Variants in SYN3 observed in about 807,000 individuals in gnomAD.
The protein encoded by SYN3 is synapsin III.
Under a neutral mutation model 65.8 loss-of-function variants are expected in SYN3, and 35 were observed. The ratio of observed to expected loss-of-function variants is 0.53; its 90% CI spans 0.41 to 0.70. SYN3 has a LOEUF of 0.70. Among genes scored for constraint, SYN3 ranks in the 30% least tolerant of loss-of-function variants. The pLI is 0.00. For synonymous variants in SYN3, 270 were observed against 292.9 expected, an observed-to-expected ratio of 0.92 and a Z score of 0.80; for missense variants, 680 against 749.0, an observed-to-expected ratio of 0.91 and a Z score of 1.08.
intron 4 of SYN3, among the ~76,000 whole-genome samples, chr22:32,878,076 G>A (rs1049376266): frequency 6.6e-6 from 1 of 152,164 alleles, no homozygotes; most frequent in African/African-American, 2.4e-5. Flanking sequence ...GTCCACCTGG[G>A]ACTGGAGTGC....
chr22:32,551,499 C>T (rs1846822336), intron 7 of SYN3, among the ~76,000 whole-genome samples: 2 of 146,816 alleles, frequency 1.4e-5, no homozygotes, highest in African/African-American at 5.1e-5. Context: ...GAAAAATGGC[C>T]TCCCCCCACC....
chr22:32,533,976 G>GA, intron 9 of SYN3, 81 bp from the exon 10 acceptor site: 1 of 895,192 alleles, frequency 1.1e-6, no homozygotes, highest in South Asian at 1.5e-5. Context: ...GATTCACATG[G>GA]AAAAACAGGC....
intron 7 of SYN3, among the ~76,000 whole-genome samples, chr22:32,546,606 AGGGCACT>A (rs2058339618): frequency 6.6e-6 from 1 of 151,974 alleles, no homozygotes; most frequent in Non-Finnish European, 1.5e-5. Context: ...TTGGGGTGAG[AGGGCACT>A]GGGGACACAG....
At chr22:32,780,439 G>A (rs2046013302) in intron 6 of SYN3, among the ~76,000 whole-genome samples, 1 of 152,122 alleles carries the variant, frequency 6.6e-6, no homozygotes, top group African/African-American at 2.4e-5. Context: ...TGGCCGCTCT[G>A]GTTTCCTTTT....
intron 3 of SYN3, among the ~76,000 whole-genome samples, chr22:32,971,995 C>A (rs1051332568): frequency 6.6e-6 from 1 of 152,138 alleles, no homozygotes; most frequent in African/African-American, 2.4e-5. Context: ...TTATTATAGC[C>A]TCTGACGGCC....
chr22:32,768,000 G>A (rs983952972), intron 6 of SYN3, among the ~76,000 whole-genome samples: 2 of 152,032 alleles, frequency 1.3e-5, no homozygotes, highest in African/African-American at 4.8e-5. Context: ...AGACAAATTA[G>A]GTATTTCTTT....
intron 4 of SYN3, among the ~76,000 whole-genome samples, chr22:32,882,670 T>G (rs370390469): frequency 6.6e-6 from 1 of 152,142 alleles, no homozygotes; most frequent in East Asian, 1.9e-4. Flanking sequence ...TATGAGTGTT[T>G]GCTAAATTAT....
At chr22:32,964,394 A>G (rs1026281806) in intron 3 of SYN3, among the ~76,000 whole-genome samples, 1 of 148,206 alleles carries the variant, frequency 6.7e-6, no homozygotes, top group African/African-American at 2.5e-5. Flanking sequence ...CGTTGTGCAC[A>G]TGTACCCTAA....
At chr22:32,974,950 G>T (rs1569369826) in intron 3 of SYN3, among the ~76,000 whole-genome samples, 1 of 152,128 alleles carries the variant, frequency 6.6e-6, no homozygotes, top group South Asian at 2.1e-4. Flanking sequence ...ACTGAGCTGA[G>T]ATTTCATCTT....
intron 1 of SYN3, among the ~76,000 whole-genome samples, chr22:33,052,767 A>G (rs181262817): frequency 6.6e-6 from 1 of 152,370 alleles, no homozygotes; most frequent in East Asian, 1.9e-4. Context: ...CCTAGAAGGC[A>G]AAATTCTGCT....
chr22:32,656,542 T>C (rs1408478172), intron 6 of SYN3, among the ~76,000 whole-genome samples: 2 of 152,076 alleles, frequency 1.3e-5, no homozygotes, highest in South Asian at 2.1e-4. Context: ...AGGTTTGAGG[T>C]GTTAGCAAAG....
intron 6 of SYN3, among the ~76,000 whole-genome samples, chr22:32,721,752 T>C (rs1462697277): frequency 6.6e-6 from 1 of 152,194 alleles, no homozygotes; most frequent in Non-Finnish European, 1.5e-5. Context: ...GGTAAACAAC[T>C]GAACAATTAA....
Position 32,539,156 on chromosome 22 carries a change from A to G in SYN3, c.918-1046T>C, listed in dbSNP as rs374043145. Among the ~76,000 whole-genome samples, 14 of 152,324 alleles carry G rather than the reference A, an allele frequency of 9.2e-5. No homozygotes were observed. The East Asian group carries it at 2.7e-3, about 29-fold the overall frequency. On this transcript the variant is annotated intron_variant, in intron 8 of 13. Coordinates refer to ENST00000358763, the MANE Select transcript of SYN3 (RefSeq NM_003490.4). ...GTGAACTGGTGAGAGGAATTGACACAAAAATGTATCATTGTAAGAGAAAAT... is the reference window on the plus strand; with the variant it reads ...GTGAACTGGTGAGAGGAATTGACACGAAAATGTATCATTGTAAGAGAAAAT...
chr22:33,010,374 T>C (rs1454926761), intron 1 of SYN3, among the ~76,000 whole-genome samples: 4 of 152,198 alleles, frequency 2.6e-5, no homozygotes, highest in Non-Finnish European at 4.4e-5. Context: ...AAGTAGGGTA[T>C]GAAGTTCATT....
Position 32,509,074 on chromosome 22 carries a change from G to A in SYN3, c.*4618C>T, listed in dbSNP as rs1290788202. ...AGAATGTAGTAATGAAGAGAATCTA[G>A]GGAACTGATGGAAGAGAAAGGATAT... On this transcript the variant is annotated 3_prime_UTR_variant, in exon 14 of 14. Transcript: ENST00000358763. Among the ~76,000 whole-genome samples, 2 of 152,210 alleles carry A rather than the reference G, an allele frequency of 1.3e-5. No homozygotes were observed. The highest frequency in any genetic ancestry group is 2.9e-5 in the Non-Finnish European group (2 of 68,036).
intron 6 of SYN3, among the ~76,000 whole-genome samples, chr22:32,673,502 T>C (rs1367428591): frequency 1.3e-5 from 2 of 152,182 alleles, no homozygotes; most frequent in Non-Finnish European, 2.9e-5. Flanking sequence ...AGAAGCTCAC[T>C]GTGTACTAGG....
intron 1 of SYN3, among the ~76,000 whole-genome samples, chr22:33,047,188 G>GT (rs1312277614): frequency 4.6e-5 from 7 of 152,030 alleles, no homozygotes; most frequent in African/African-American, 1.7e-4. Context: ...TAATATATTT[G>GT]TTTTGTGGTT....
At chr22:32,746,072 A>G (rs1200000458) in intron 6 of SYN3, among the ~76,000 whole-genome samples, 1 of 152,206 alleles carries the variant, frequency 6.6e-6, no homozygotes, top group East Asian at 1.9e-4. Context: ...CCTCTTAAGA[A>G]TTGTTGTCCA....
Position 32,770,038 on chromosome 22 carries a change from C to G in SYN3, c.711+94877G>C, listed in dbSNP as rs73881795. ...CAGGCAAACCCTGACTTCTAGCCCCCCTGACTGTTCAATCTGCAGCTTTCC... is the reference window on the plus strand; with the variant it reads ...CAGGCAAACCCTGACTTCTAGCCCCGCTGACTGTTCAATCTGCAGCTTTCC... On this transcript the variant is annotated intron_variant, in intron 6 of 13. Coordinates refer to ENST00000358763, the MANE Select transcript of SYN3 (RefSeq NM_003490.4). Among the ~76,000 whole-genome samples the G allele has an allele frequency of 6.9e-3, 1,057 of 152,318 alleles. 15 individuals carry two copies. Among genetic ancestry groups the G allele is most frequent in the African/African-American group, 0.025 (1,023 of 41,570 alleles).
Sources: gnomAD v4.1 joint callset for allele counts (sites outside exome capture counted in the v4.1 genomes callset) on GRCh38, gnomAD v4.1.1 for gene constraint, MANE v1.5 for transcripts, NCBI Gene and HGNC (gene_info 2026-07-23, HGNC 2026-07-21) for gene names.